The following ANKFN1 variants were observed in gnomAD, a reference collection of about 807,000 sequenced individuals.
ANKFN1 encodes the protein ankyrin repeat and fibronectin type-III domain-containing protein 1.
ANKFN1 carries 74 observed loss-of-function variants against 108.7 expected under a neutral mutation model. The observed-to-expected ratio is 0.68, with a 90% confidence interval of 0.56 to 0.83. The LOEUF is 0.83. ANKFN1 is among the 40% of genes least tolerant of loss of function. The pLI is 0.00. For missense variants in ANKFN1, 1,505 were observed against 1,382.3 expected, an observed-to-expected ratio of 1.09 and a Z score of -1.41; for synonymous variants, 547 against 516.2, an observed-to-expected ratio of 1.06 and a Z score of -0.81.
chr17:56,305,401 A>G (rs974494055), intron 3 of ANKFN1, among the ~76,000 whole-genome samples: 1 of 152,122 alleles, frequency 6.6e-6, no homozygotes, highest in Non-Finnish European at 1.5e-5. Context: ...AATTTCACAT[A>G]TTTATTTCAA....
intron 4 of ANKFN1, among the ~76,000 whole-genome samples, chr17:56,129,614 A>C (rs2143337861): frequency 6.6e-6 from 1 of 152,304 alleles, no homozygotes; most frequent in African/African-American, 2.4e-5. Flanking sequence ...GTATTTTTTT[A>C]ATTGTCACAT....
rs569703627 is a variant in ANKFN1, at chr17:56,448,972, G to A, written c.1100-107G>A. 26 of 845,470 alleles carry A rather than the reference G, an allele frequency of 3.1e-5. No homozygotes were observed. In the East Asian group the frequency reaches 6.0e-4, roughly 20 times the overall value. 52.4% of individuals were successfully genotyped at this position (845,470 alleles called of 1,614,324 possible). A position where few individuals can be genotyped will look rare whatever the true frequency, so the allele number is the denominator to read the frequency against. ...CTCTGCATGTGCGGGGTGCTCATCC[G>A]CAGAGACTGTGGGTAGTATGAGCAA... On this transcript the variant is annotated intron_variant, in intron 10 of 20. Transcript: ENST00000682825.
chr17:56,193,334 A>G (rs1010492113), intron 1 of ANKFN1, among the ~76,000 whole-genome samples: 2 of 148,526 alleles, frequency 1.3e-5, no homozygotes, highest in African/African-American at 5.0e-5. Flanking sequence ...GCGCACCAGC[A>G]TGGCACATGT....
At chr17:56,152,870 G>A (rs943269821), upstream of ANKFN1, among the ~76,000 whole-genome samples, 3 of 152,170 alleles carry the variant, frequency 2.0e-5, no homozygotes, top group Non-Finnish European at 4.4e-5. Context: ...AGCCCTTAAA[G>A]TGCAGGCCAA....
intron 1 of ANKFN1, among the ~76,000 whole-genome samples, chr17:56,195,120 A>G (rs970989196): frequency 6.6e-6 from 1 of 152,150 alleles, no homozygotes; most frequent in African/African-American, 2.4e-5. Context: ...TGAACAGTTC[A>G]CCCTAAGAGC....
intron 8 of ANKFN1, among the ~76,000 whole-genome samples, chr17:56,391,405 TG>T: frequency 7.1e-6 from 1 of 139,972 alleles, no homozygotes. Flanking sequence ...TGTGTGTGTG[TG>T]TGTGTACATA....
intron 5 of ANKFN1, among the ~76,000 whole-genome samples, chr17:56,353,205 A>G (rs2046289872): frequency 6.6e-6 from 1 of 151,932 alleles, no homozygotes; most frequent in South Asian, 2.1e-4. Flanking sequence ...TGATTTGACC[A>G]CATGCTATTT....
In ANKFN1 at chr17:56,429,324, C is replaced by A. The variant is rs147590455; in HGVS notation, c.911-11003C>A. On this transcript the variant is annotated intron_variant, in intron 8 of 20. Coordinates refer to ENST00000682825, the MANE Select transcript of ANKFN1 (RefSeq NM_001370326.1). ...GAAGGGGGGCTTTCAAAGAAACAAG[C>A]AAGACCCAGATCATGATGCCTTGTA... 1.8e-3 allele frequency among the ~76,000 whole-genome samples: 280 copies of A among 152,278 alleles called. 3 individuals carry two copies. The highest frequency in any genetic ancestry group is 6.8e-3 in the Middle Eastern group (2 of 294).
At chr17:56,161,986 A>G (rs1909697884) in intron 1 of ANKFN1, among the ~76,000 whole-genome samples, 1 of 152,202 alleles carries the variant, frequency 6.6e-6, no homozygotes, top group Admixed American at 6.5e-5. Context: ...CAGCACCATG[A>G]GTAAGTTTCT....
intron 1 of ANKFN1, among the ~76,000 whole-genome samples, chr17:56,165,507 A>G (rs1302537086): frequency 6.6e-6 from 1 of 152,206 alleles, no homozygotes; most frequent in African/African-American, 2.4e-5. Flanking sequence ...TGTTCTACAT[A>G]CCCAAATTTC....
chr17:56,410,337 C>T (rs551856682), intron 8 of ANKFN1, among the ~76,000 whole-genome samples: 7 of 152,210 alleles, frequency 4.6e-5, no homozygotes, highest in South Asian at 2.1e-4. Flanking sequence ...CCTCATGATC[C>T]GCCCACCTCG....
intron 3 of ANKFN1, among the ~76,000 whole-genome samples, chr17:56,299,995 T>C (rs2044627824): frequency 6.6e-6 from 1 of 152,226 alleles, no homozygotes; most frequent in African/African-American, 2.4e-5. Flanking sequence ...GAACCAAGGA[T>C]GTTCTGTACT....
At position 56,511,149 on chromosome 17, in the gene ANKFN1, G is replaced by C. The variant is rs1265621318; in HGVS notation, c.3321G>C (p.Trp1107Cys). The C allele has an allele frequency of 6.5e-7, 1 of 1,535,900 alleles. No individual in the cohort carries two copies. The highest frequency in any genetic ancestry group is 8.7e-7 in the Non-Finnish European group (1 of 1,146,874). The change falls in exon 21 of 21, where the codon TGG becomes TGC. Residue 1107 changes from tryptophan to cysteine, a missense_variant. Trp to Cys is a radical substitution (Grantham distance 215, BLOSUM62 -2). Coordinates refer to ENST00000682825, the MANE Select transcript of ANKFN1 (RefSeq NM_001370326.1). ...AAVVAQDEKP[W>C]ASLSPPSGGR... The stretch of plus-strand genomic sequence containing the variant: ...TGGTGGCCCAGGACGAAAAACCATG[G>C]GCAAGCTTGAGCCCGCCCTCTGGAG...
In ANKFN1 at chr17:56,330,671, T is replaced by C. The variant is rs533199739; in HGVS notation, c.188+4316T>C. Reference sequence around the variant, plus strand: ...TGAAAGTACTGCATCCTGGAAACCCTCTCTCAGTCCTGAACAAACTAAGAC... The same window carrying C: ...TGAAAGTACTGCATCCTGGAAACCCCCTCTCAGTCCTGAACAAACTAAGAC... On this transcript the variant is annotated intron_variant, in intron 4 of 20. Coordinates refer to ENST00000682825, the MANE Select transcript of ANKFN1 (RefSeq NM_001370326.1). Among the ~76,000 whole-genome samples, 7 of 152,220 alleles carry C rather than the reference T, an allele frequency of 4.6e-5. No individual in the cohort carries two copies. In the South Asian group the frequency reaches 1.5e-3, roughly 32 times the overall value.
chr17:56,167,871 A>G (rs1910302392), intron 1 of ANKFN1, among the ~76,000 whole-genome samples: 2 of 152,154 alleles, frequency 1.3e-5, no homozygotes. Context: ...GAAGTGACCT[A>G]TGTCACTTTT....
At chr17:56,075,528 T>C (rs552846640) in intron 4 of ANKFN1, among the ~76,000 whole-genome samples, 1 of 152,226 alleles carries the variant, frequency 6.6e-6, no homozygotes, top group Admixed American at 6.5e-5. Flanking sequence ...AAAAATATTA[T>C]TCATGGCATA....
chr17:56,094,810 G>A (rs1274075460), intron 4 of ANKFN1, among the ~76,000 whole-genome samples: 3 of 150,108 alleles, frequency 2.0e-5, no homozygotes, highest in African/African-American at 4.9e-5. Context: ...ATGAGCCATA[G>A]CGCCCAGCCT....
chr17:56,370,151 G>A (rs147070029), intron 6 of ANKFN1, among the ~76,000 whole-genome samples: 198 of 152,256 alleles, frequency 1.3e-3, no homozygotes, highest in African/African-American at 4.3e-3. Context: ...AGTTTGAGGT[G>A]CGCTGGGATG....
intron 8 of ANKFN1, among the ~76,000 whole-genome samples, chr17:56,395,310 G>A (rs538569636): frequency 1.3e-3 from 194 of 152,284 alleles, no homozygotes; most frequent in African/African-American, 4.4e-3. Flanking sequence ...GGGGTAAAAC[G>A]TGGGGTGAGA....
Sources: allele counts gnomAD v4.1 joint callset (sites outside exome capture counted in the v4.1 genomes callset), GRCh38; gene constraint gnomAD v4.1.1; transcripts MANE v1.5; gene names NCBI Gene and HGNC (gene_info 2026-07-23, HGNC 2026-07-21).